The following FRMD4B variants were observed in gnomAD, a reference collection of about 807,000 sequenced individuals.
The protein encoded by FRMD4B is FERM domain-containing protein 4B.
FRMD4B carries 74 observed loss-of-function variants against 141.5 expected under a neutral mutation model. The ratio of observed to expected loss-of-function variants is 0.52; its 90% CI spans 0.43 to 0.63. The LOEUF is 0.63. Among genes scored for constraint, FRMD4B ranks in the 30% least tolerant of loss-of-function variants. The pLI, the probability that FRMD4B is intolerant of heterozygous loss-of-function variation, is 0.00. For synonymous variants in FRMD4B, 506 were observed against 467.9 expected (o/e 1.08, Z -1.05); for missense variants, 1,366 against 1,253.4 (o/e 1.09, Z -1.36).
chr3:69,173,478 T>C (rs1209274583), intron 22 of FRMD4B, among the ~76,000 whole-genome samples: 3 of 152,224 alleles, frequency 2.0e-5, no homozygotes, highest in Non-Finnish European at 4.4e-5. Context: ...CGGGAAAATC[T>C]AGTTTTTCAT....
chr3:69,235,970 GCATTTAT>G (rs1231364539), intron 7 of FRMD4B, among the ~76,000 whole-genome samples: 2 of 152,208 alleles, frequency 1.3e-5, no homozygotes. Context: ...TGAGGCTTCA[GCATTTAT>G]CATTATGGTA....
chr3:69,523,963 A>T (rs1700894523), intron 1 of FRMD4B, among the ~76,000 whole-genome samples: 1 of 152,210 alleles, frequency 6.6e-6, no homozygotes, highest in Non-Finnish European at 1.5e-5. Flanking sequence ...ATCATCAGAC[A>T]TATCCTTTGC....
Position 69,193,657 on chromosome 3 carries a change from C to T in FRMD4B, c.1705G>A (p.Val569Met), listed in dbSNP as rs1224573249. The part of the protein sequence containing the change: ...CGKKPSQKAT[V>M]LPEDIIPSES... The stretch of plus-strand genomic sequence containing the variant: ...CTTACTTATTACTAACCTGGTAACA[C>T]TGTTGCTTTCTGGCTGGGTTTCTTT... Residue 569 changes from valine (V) to methionine (M), a missense_variant, in exon 17 of 23, where the codon GTG (valine) becomes ATG (methionine). Physicochemically the swap from Val to Met is conservative, Grantham distance 21. Transcript: ENST00000398540. 16 of 1,604,118 alleles carry T rather than the reference C, an allele frequency of 1.0e-5. No individual in the cohort carries two copies. The highest frequency in any genetic ancestry group is 1.3e-5 in the African/African-American group (1 of 74,536).
At chr3:69,517,951 T>C (rs1161786064) in intron 1 of FRMD4B, among the ~76,000 whole-genome samples, 2 of 152,184 alleles carry the variant, frequency 1.3e-5, no homozygotes, top group East Asian at 3.8e-4. Context: ...TCTGATTCTG[T>C]AGAGAGTAAA....
rs746193724 is a variant in FRMD4B, at chr3:69,181,634, C to T, written c.2116G>A (p.Asp706Asn). The T allele has an allele frequency of 6.2e-7, 1 of 1,613,624 alleles. No individual in the cohort carries two copies. The change falls in exon 21 of 23, where the codon GAC (aspartate) becomes AAC (asparagine). Residue 706 changes from aspartate (D) to asparagine (N), a missense_variant. Coordinates refer to ENST00000398540, the MANE Select transcript of FRMD4B (RefSeq NM_015123.3). ...AGGGAGAAAAATGGCTTATCGCTGTCCATCTCGGAGAGCAGGTGGGACTGG... is the reference window on the plus strand; with the variant it reads ...AGGGAGAAAAATGGCTTATCGCTGTTCATCTCGGAGAGCAGGTGGGACTGG... ...ESQSHLLSEM[D>N]SDKPFFSLSK...
intron 3 of FRMD4B, among the ~76,000 whole-genome samples, chr3:69,305,384 G>T (rs952909401): frequency 6.6e-6 from 1 of 152,162 alleles, no homozygotes; most frequent in Non-Finnish European, 1.5e-5. Flanking sequence ...ACAAGGGAAG[G>T]TCCTTAGAAC....
At chr3:69,368,711 G>A (rs1424335124) in intron 1 of FRMD4B, among the ~76,000 whole-genome samples, 1 of 152,248 alleles carries the variant, frequency 6.6e-6, no homozygotes, top group Non-Finnish European at 1.5e-5. Context: ...TCTCTGGAGT[G>A]CAGTGGTGCA....
chr3:69,279,265 G>T (rs573350867), intron 5 of FRMD4B, among the ~76,000 whole-genome samples: 2 of 152,116 alleles, frequency 1.3e-5, no homozygotes, highest in Non-Finnish European at 2.9e-5. Context: ...AGACAAATAC[G>T]GTTTCTGGGG....
At position 69,182,650 on chromosome 3, in the gene FRMD4B, T is replaced by G; in HGVS notation, c.1987A>C (p.Met663Leu). 1 of 1,613,836 alleles carries G rather than the reference T, an allele frequency of 6.2e-7. No individual in the cohort carries two copies. ...LERRPQGGRSMPTTPVLTRNA... is the reference protein window; with the variant it reads ...LERRPQGGRSLPTTPVLTRNA... ...CGGGTAAGAACTGGCGTGGTGGGCA[T>G]GCTTCGTCCTCCCTGGGGCCGCCTC... The change falls in exon 20 of 23, where the codon ATG becomes CTG. Residue 663 changes from methionine (M) to leucine (L), a missense_variant. Physicochemically the swap from Met to Leu is conservative, Grantham distance 15. Coordinates refer to ENST00000398540, the MANE Select transcript of FRMD4B (RefSeq NM_015123.3).
In FRMD4B at chr3:69,287,735, A is replaced by G; in HGVS notation, c.501+17T>C. Reference sequence around the variant, plus strand: ...GCTCTGGAGGCATCCAGTGAACATGACAAACGGGGCACCTACCTTGTGCAC... The same window carrying G: ...GCTCTGGAGGCATCCAGTGAACATGGCAAACGGGGCACCTACCTTGTGCAC... On this transcript the variant is annotated intron_variant, in intron 5 of 22. Transcript: ENST00000398540. The G allele has an allele frequency of 6.9e-7, 1 of 1,440,604 alleles. No individual in the cohort carries two copies. Among genetic ancestry groups the G allele is most frequent in the East Asian group, 2.3e-5 (1 of 44,048 alleles). The allele number at this position is 1,440,604 out of a possible 1,614,324, so 89.2% of individuals were successfully genotyped here.
chr3:69,274,356 T>C (rs2106949418), intron 5 of FRMD4B, among the ~76,000 whole-genome samples: 1 of 152,210 alleles, frequency 6.6e-6, no homozygotes, highest in Non-Finnish European at 1.5e-5. Flanking sequence ...ATGCCCAGTA[T>C]AGAGCTAAGG....
rs184493969 is a variant in FRMD4B at position 69,291,073 on chromosome 3, C to T, written c.417-3237G>A. On this transcript the variant is annotated intron_variant, in intron 4 of 22. Coordinates refer to ENST00000398540, the MANE Select transcript of FRMD4B (RefSeq NM_015123.3). ...AAGCAAAACCATGGCAAAAGACTTA[C>T]GTTGAAGGATTTTGATTAACCTATG... 3.8e-4 allele frequency among the ~76,000 whole-genome samples: 58 copies of T among 152,274 alleles called. No individual in the cohort carries two copies. In the South Asian group the frequency reaches 5.2e-3, roughly 14 times the overall value.
In FRMD4B at chr3:69,193,659, G is replaced by A. The variant is rs764651786; in HGVS notation, c.1703C>T (p.Thr568Ile). 3.1e-6 allele frequency: 5 copies of A among 1,604,084 alleles called. No homozygotes were observed. In the South Asian group the frequency reaches 4.4e-5, roughly 14 times the overall value. ...RCGKKPSQKATVLPEDIIPSE... is the reference protein window; with the variant it reads ...RCGKKPSQKAIVLPEDIIPSE... Reference sequence around the variant, plus strand: ...TACTTATTACTAACCTGGTAACACTGTTGCTTTCTGGCTGGGTTTCTTTCC... The same window carrying A: ...TACTTATTACTAACCTGGTAACACTATTGCTTTCTGGCTGGGTTTCTTTCC... The change falls in exon 17 of 23, where the codon ACA becomes ATA. Residue 568 changes from threonine to isoleucine, a missense_variant. By Grantham distance (89) the Thr-to-Ile change is moderately conservative (BLOSUM62 -1). Coordinates refer to ENST00000398540, the MANE Select transcript of FRMD4B (RefSeq NM_015123.3).
At chr3:69,332,567 CTTTCTTTTCTT>C (rs1207980429) in intron 1 of FRMD4B, among the ~76,000 whole-genome samples, 1 of 151,880 alleles carries the variant, frequency 6.6e-6, no homozygotes, top group Non-Finnish European at 1.5e-5. Context: ...ATGGGAGTTC[CTTTCTTTTCTT>C]TTTCTTTATT....
chr3:69,497,472 C>T (rs1271907360), intron 1 of FRMD4B, among the ~76,000 whole-genome samples: 1 of 151,970 alleles, frequency 6.6e-6, no homozygotes, highest in Non-Finnish European at 1.5e-5. Context: ...ATTCGTGGCC[C>T]AGTTATATGC....
intron 1 of FRMD4B, among the ~76,000 whole-genome samples, chr3:69,455,122 T>A (rs1292299767): frequency 6.6e-6 from 1 of 152,132 alleles, no homozygotes; most frequent in African/African-American, 2.4e-5. Flanking sequence ...CAGCACCCTA[T>A]CAAAATGGAC....
chr3:69,516,968 C>T (rs533874756), intron 1 of FRMD4B, among the ~76,000 whole-genome samples: 3 of 152,182 alleles, frequency 2.0e-5, no homozygotes, highest in Non-Finnish European at 4.4e-5. Flanking sequence ...TCACATACTT[C>T]CATACCTCTC....
chr3:69,281,838 A>C (rs13322286), intron 5 of FRMD4B, among the ~76,000 whole-genome samples: 4 of 128,232 alleles, frequency 3.1e-5, no homozygotes, highest in African/African-American at 1.2e-4. Flanking sequence ...AAAAAAAAAA[A>C]ATATATATAT....
At chr3:69,210,555 T>G (rs2093065617) in intron 11 of FRMD4B, among the ~76,000 whole-genome samples, 1 of 152,128 alleles carries the variant, frequency 6.6e-6, no homozygotes, top group African/African-American at 2.4e-5. Flanking sequence ...AAGGGAGGAT[T>G]AAAAAGTAAA....
Sources: allele counts gnomAD v4.1 joint callset (sites outside exome capture counted in the v4.1 genomes callset), GRCh38; gene constraint gnomAD v4.1.1; transcripts MANE v1.5; gene names NCBI Gene and HGNC (gene_info 2026-07-23, HGNC 2026-07-21).